MICU1: variants seen among roughly 807,000 people sequenced by gnomAD.
The protein encoded by MICU1 is mitochondrial calcium uptake 1.
In MICU1, 45 loss-of-function variants were observed where a neutral mutation model predicts 56.8. The observed-to-expected ratio is 0.79, with a 90% CI of 0.62 to 1.02. The LOEUF (loss-of-function observed/expected upper bound fraction) is 1.02. Among genes scored for constraint, MICU1 ranks in the 50% least tolerant of loss-of-function variants. The probability of loss-of-function intolerance (pLI) is 0.00; values close to 1 mark genes in which losing one functional copy is unlikely to be tolerated. For synonymous variants in MICU1, 186 were observed against 195.1 expected, an observed-to-expected ratio of 0.95 and a Z score of 0.39; for missense variants, 504 against 587.1, an observed-to-expected ratio of 0.86 and a Z score of 1.46.
intron 1 of MICU1, among the ~76,000 whole-genome samples, chr10:72,596,444 A>T (rs1841384327): frequency 6.6e-6 from 1 of 152,156 alleles, no homozygotes; most frequent in Non-Finnish European, 1.5e-5. Context: ...TCAAAAAAAG[A>T]TTTTTTAAGT....
At chr10:72,394,498 T>C (rs986991960) in intron 10 of MICU1, among the ~76,000 whole-genome samples, 4 of 151,902 alleles carry the variant, frequency 2.6e-5, no homozygotes, top group African/African-American at 7.3e-5. Flanking sequence ...TCGTGGCACA[T>C]GCCTGTAATC....
intron 8 of MICU1, chr10:72,468,043 C>T (rs1865846925): frequency 6.6e-6 from 1 of 152,110 alleles, no homozygotes; most frequent in South Asian, 2.1e-4. Flanking sequence ...CCATGTTGAC[C>T]AGGCTGGTCT....
chr10:72,423,509 G>T, intron 8 of MICU1, 138 bp from the exon 9 acceptor site: 1 of 1,080,592 alleles, frequency 9.3e-7, no homozygotes, highest in Non-Finnish European at 1.3e-6. Flanking sequence ...TTCTCAGTAA[G>T]ATCTGCAAAA....
chr10:72,437,585 A>C (rs1245846098), intron 8 of MICU1, among the ~76,000 whole-genome samples: 3 of 152,248 alleles, frequency 2.0e-5, no homozygotes, highest in Non-Finnish European at 4.4e-5. Context: ...AAATGTCCCA[A>C]TTAAAAGACA....
chr10:72,411,014 TG>T (rs1158615769), intron 9 of MICU1, among the ~76,000 whole-genome samples: 1 of 152,152 alleles, frequency 6.6e-6, no homozygotes, highest in Non-Finnish European at 1.5e-5. Context: ...ATACACACAA[TG>T]GAATATTGTT....
chr10:72,532,790 G>T, intron 5 of MICU1: 1 of 924,590 alleles, frequency 1.1e-6, no homozygotes, highest in Non-Finnish European at 1.3e-6. Context: ...GTAACTTTTA[G>T]GCAGGTGGCC....
At chr10:72,516,355 T>C (rs1024127477) in intron 5 of MICU1, among the ~76,000 whole-genome samples, 17 of 152,218 alleles carry the variant, frequency 1.1e-4, no homozygotes, top group African/African-American at 3.9e-4. Context: ...GATGGATACA[T>C]TGCAAACATT....
intron 6 of MICU1, among the ~76,000 whole-genome samples, chr10:72,502,155 TTTG>T (rs1298165836): frequency 1.9e-5 from 2 of 103,852 alleles, no homozygotes; most frequent in Non-Finnish European, 5.6e-5. Flanking sequence ...TGTTTTTTTT[TTTG>T]TTTTTTTTTT....
chr10:72,537,914 T>A (rs762590048), intron 4 of MICU1, among the ~76,000 whole-genome samples: 1 of 152,166 alleles, frequency 6.6e-6, no homozygotes, highest in East Asian at 1.9e-4. Flanking sequence ...GAATCAAATA[T>A]GTCATTTCAA....
intron 1 of MICU1, among the ~76,000 whole-genome samples, chr10:72,601,466 T>A (rs79585374): frequency 0.041 from 5,938 of 144,506 alleles, 388 homozygotes; most frequent in African/African-American, 0.14. Context: ...AAAGAAAGAA[T>A]TAATGAAAAA....
intron 8 of MICU1, among the ~76,000 whole-genome samples, chr10:72,431,858 C>A (rs912096148): frequency 2.0e-5 from 3 of 152,078 alleles, no homozygotes; most frequent in Non-Finnish European, 2.9e-5. Flanking sequence ...TCTTAGTATC[C>A]TTAACAAAAT....
chr10:72,528,802 C>A, intron 5 of MICU1: 2 of 197,382 alleles, frequency 1.0e-5, no homozygotes, highest in South Asian at 6.0e-5. Flanking sequence ...ATAATTAGAA[C>A]TCGAATAAAG....
chr10:72,601,478 G>T (rs1463463062), intron 1 of MICU1, among the ~76,000 whole-genome samples: 3 of 129,042 alleles, frequency 2.3e-5, no homozygotes, highest in East Asian at 2.2e-4. Flanking sequence ...AATGAAAAAA[G>T]AAAGAAAAAA....
chr10:72,600,484 A>T (rs557518994), intron 1 of MICU1, among the ~76,000 whole-genome samples: 1 of 151,674 alleles, frequency 6.6e-6, no homozygotes, highest in Non-Finnish European at 1.5e-5. Context: ...CCCCATCTCT[A>T]CTGAAAATAT....
chr10:72,597,750 A>G (rs1370922595), intron 1 of MICU1, among the ~76,000 whole-genome samples: 1 of 152,192 alleles, frequency 6.6e-6, no homozygotes, highest in African/African-American at 2.4e-5. Flanking sequence ...TGCATGAAAC[A>G]AAGTTTGCGT....
intron 6 of MICU1, among the ~76,000 whole-genome samples, chr10:72,487,344 G>A (rs987726206): frequency 1.8e-4 from 27 of 152,106 alleles, no homozygotes; most frequent in African/African-American, 5.3e-4. Context: ...GTGCCAAACC[G>A]TTGCAACCAG....
intron 8 of MICU1, among the ~76,000 whole-genome samples, chr10:72,468,365 C>T (rs9665588): frequency 0.042 from 6,268 of 150,566 alleles, 417 homozygotes; most frequent in African/African-American, 0.14. Context: ...TAACCATAAC[C>T]TTTCAAATAA....
intron 8 of MICU1, among the ~76,000 whole-genome samples, chr10:72,473,593 G>A (rs750599878): frequency 6.6e-6 from 1 of 151,904 alleles, no homozygotes; most frequent in African/African-American, 2.4e-5. Flanking sequence ...ACTTAGACTG[G>A]GACCATTTAG....
chr10:72,508,292 C>A, intron 5 of MICU1, 23 bp from the exon 6 acceptor site: 2 of 1,068,790 alleles, frequency 1.9e-6, no homozygotes, highest in Non-Finnish European at 2.7e-6. Context: ...TGGGTCCCAC[C>A]AAAAGACAAA....
Sources: allele counts gnomAD v4.1 joint callset (sites outside exome capture counted in the v4.1 genomes callset), GRCh38; gene constraint gnomAD v4.1.1; transcripts MANE v1.5; gene names NCBI Gene and HGNC (gene_info 2026-07-23, HGNC 2026-07-21).